The following PRTG variants were observed in gnomAD, a reference collection of about 807,000 sequenced individuals.
PRTG encodes the protein immunoglobulin superfamily, DCC subclass, member 5.
Under a neutral mutation model 122.5 loss-of-function variants are expected in PRTG, and 67 were observed. The ratio of observed to expected loss-of-function variants is 0.55; its 90% CI spans 0.45 to 0.67. The LOEUF (loss-of-function observed/expected upper bound fraction) is 0.67. Ranked by LOEUF, PRTG falls within the 30% of genes least tolerant of loss-of-function variation. PRTG has a pLI of 0.00. For synonymous variants in PRTG, 554 were observed against 501.1 expected (o/e 1.11, Z -1.41); for missense variants, 1,435 against 1,415.4 (o/e 1.01, Z -0.22).
chr15:55,682,746 A>G (rs147224747), intron 3 of PRTG, among the ~76,000 whole-genome samples: 1 of 152,042 alleles, frequency 6.6e-6, no homozygotes, highest in African/African-American at 2.4e-5. Context: ...TATTTTTAGT[A>G]GAGATGGGGT....
In PRTG at chr15:55,617,355, A is replaced by C. The variant is rs1413267919; in HGVS notation, c.*2657T>G. ...TCTTTGGAACGATCTGCTGGTAAAG[A>C]AAGTATTACAACTTATTTTAAATGC... On this transcript the variant is annotated 3_prime_UTR_variant, in exon 20 of 20. Transcript: ENST00000389286. 1 of 152,158 alleles carries C rather than the reference A, an allele frequency of 6.6e-6. No homozygotes were observed. Among genetic ancestry groups the C allele is most frequent in the Non-Finnish European group, 1.5e-5 (1 of 67,988 alleles). The allele number at this position is 152,158 out of a possible 1,614,324, so 9.4% of individuals were successfully genotyped here. A position where few individuals can be genotyped will look rare whatever the true frequency, so the allele number is the denominator to read the frequency against.
At position 55,619,548 on chromosome 15, in the gene PRTG, A is replaced by G. The variant is rs1350995737; in HGVS notation, c.*464T>C. On this transcript the variant is annotated 3_prime_UTR_variant, in exon 20 of 20. Coordinates refer to ENST00000389286, the MANE Select transcript of PRTG (RefSeq NM_173814.6). Reference sequence around the variant, plus strand: ...TGTAGCTGAGATAAACTATAACAACAAATGAGGTAACAAAGTTGTCTTCAG... The same window carrying G: ...TGTAGCTGAGATAAACTATAACAACGAATGAGGTAACAAAGTTGTCTTCAG... 1 of 171,228 alleles carries G rather than the reference A, an allele frequency of 5.8e-6. No individual in the cohort carries two copies. The highest frequency in any genetic ancestry group is 1.3e-5 in the Non-Finnish European group (1 of 79,400). The allele number at this position is 171,228 out of a possible 1,614,324, so 10.6% of individuals were successfully genotyped here. A position where few individuals can be genotyped will look rare whatever the true frequency, so the allele number is the denominator to read the frequency against.
At chr15:55,646,511 A>G (rs1422362676) in intron 11 of PRTG, among the ~76,000 whole-genome samples, 5 of 150,992 alleles carry the variant, frequency 3.3e-5, no homozygotes, top group Admixed American at 3.3e-4. Context: ...TTTAGTAGAG[A>G]CGGGGTTTCA....
chr15:55,641,155 C>G lies in PRTG; in HGVS notation c.2095G>C (p.Gly699Arg). The G allele has an allele frequency of 6.2e-7, 1 of 1,614,012 alleles. No individual in the cohort carries two copies. Among genetic ancestry groups the G allele is most frequent in the Non-Finnish European group, 8.5e-7 (1 of 1,179,938 alleles). The change falls in exon 12 of 20, where the codon GGC becomes CGC. Residue 699 changes from glycine to arginine, a missense_variant. By Grantham distance (125) the Gly-to-Arg change is moderately radical. Transcript: ENST00000389286. ...CTGACAGTCTGATCTGCCTGATAGCCATCGTCTATGTTGTTGTAAGCCAGG... is the reference window on the plus strand; with the variant it reads ...CTGACAGTCTGATCTGCCTGATAGCGATCGTCTATGTTGTTGTAAGCCAGG... ...RLLAYNNIDD[G>R]YQADQTVSTP...
Position 55,627,786 on chromosome 15 carries a change from G to A in PRTG, c.2807-658C>T, listed in dbSNP as rs929600344. Among the ~76,000 whole-genome samples, 3 of 152,266 alleles carry A rather than the reference G, an allele frequency of 2.0e-5. No individual in the cohort carries two copies. In the South Asian group the frequency reaches 6.2e-4, roughly 32 times the overall value. ...TATGTCATGCCTTAAAAGCAGATCT[G>A]CATGTTGAAGATTAGTTTTCCATTT... On this transcript the variant is annotated intron_variant, in intron 16 of 19. Coordinates refer to ENST00000389286, the MANE Select transcript of PRTG (RefSeq NM_173814.6).
intron 11 of PRTG, among the ~76,000 whole-genome samples, chr15:55,661,618 A>G (rs2059410004): frequency 6.6e-6 from 1 of 152,196 alleles, no homozygotes; most frequent in Non-Finnish European, 1.5e-5. Context: ...AAATGCATGC[A>G]TATGAATCAC....
At chr15:55,683,403 G>A (rs2059552279) in intron 3 of PRTG, among the ~76,000 whole-genome samples, 1 of 152,094 alleles carries the variant, frequency 6.6e-6, no homozygotes. Flanking sequence ...GTTGAGAAGT[G>A]GAAGGCAGAG....
chr15:55,654,676 C>T (rs995193037), intron 11 of PRTG, among the ~76,000 whole-genome samples: 3 of 152,206 alleles, frequency 2.0e-5, no homozygotes, highest in South Asian at 2.1e-4. Flanking sequence ...CTCACATACA[C>T]GGTCTGTCTC....
intron 5 of PRTG, 30 bp downstream of exon 5, chr15:55,680,461 A>AT: frequency 6.7e-7 from 1 of 1,487,904 alleles, no homozygotes; most frequent in South Asian, 1.3e-5. Context: ...TAAGGAAAAG[A>AT]CTTTTTTTTT....
intron 11 of PRTG, among the ~76,000 whole-genome samples, chr15:55,662,089 T>A (rs2059413347): frequency 6.6e-6 from 1 of 152,232 alleles, no homozygotes; most frequent in Admixed American, 6.5e-5. Flanking sequence ...TGTTTGAAAT[T>A]TTTTGGAAAG....
intron 2 of PRTG, among the ~76,000 whole-genome samples, chr15:55,736,985 T>C (rs1046718163): frequency 1.3e-5 from 2 of 152,232 alleles, no homozygotes; most frequent in Non-Finnish European, 2.9e-5. Flanking sequence ...GAGACCATTT[T>C]ACCACACTAA....
intron 11 of PRTG, among the ~76,000 whole-genome samples, chr15:55,652,197 G>GA (rs1382128380): frequency 6.6e-6 from 1 of 152,012 alleles, no homozygotes; most frequent in Non-Finnish European, 1.5e-5. Flanking sequence ...AAAAATCGTC[G>GA]AATTAGAATA....
Position 55,733,326 on chromosome 15 carries a change from C to T in PRTG, c.397+7056G>A, listed in dbSNP as rs532014230. Among the ~76,000 whole-genome samples, 6 of 151,730 alleles carry T rather than the reference C, an allele frequency of 4.0e-5. No individual in the cohort carries two copies. In the South Asian group the frequency reaches 1.0e-3, roughly 26 times the overall value. On this transcript the variant is annotated intron_variant, in intron 2 of 19. Transcript: ENST00000389286. The stretch of plus-strand genomic sequence containing the variant: ...GGGAGTTCGAGACCAGCCTGACCAA[C>T]GTGGAGAAACCCTGTCTCTACTAAA...
intron 11 of PRTG, among the ~76,000 whole-genome samples, chr15:55,651,102 G>A (rs2059350895): frequency 1.3e-5 from 2 of 152,170 alleles, no homozygotes; most frequent in Admixed American, 6.5e-5. Flanking sequence ...TAAAACAGGG[G>A]CCCTATATCA....
At chr15:55,620,300 C>T (rs2059159260) in intron 19 of PRTG, 34 bp from the exon 20 acceptor site, 1 of 1,603,330 alleles carries the variant, frequency 6.2e-7, no homozygotes, top group South Asian at 1.1e-5. Context: ...CAATGAGATA[C>T]CAGACTGATC....
At chr15:55,695,198 T>C (rs1377162911) in intron 2 of PRTG, among the ~76,000 whole-genome samples, 1 of 152,216 alleles carries the variant, frequency 6.6e-6, no homozygotes, top group Non-Finnish European at 1.5e-5. Flanking sequence ...GCAACACTTA[T>C]ATGACTCTAC....
chr15:55,651,032 G>C (rs192206063), intron 11 of PRTG, among the ~76,000 whole-genome samples: 61 of 152,274 alleles, frequency 4.0e-4, no homozygotes, highest in African/African-American at 1.4e-3. Flanking sequence ...AAATGGAAGA[G>C]GACATGCTTG....
chr15:55,630,021 C>G (rs2059218658), intron 15 of PRTG, among the ~76,000 whole-genome samples: 1 of 148,082 alleles, frequency 6.8e-6, no homozygotes, highest in South Asian at 2.2e-4. Flanking sequence ...GAGTCTCACT[C>G]TGTCGCCCAG....
intron 2 of PRTG, among the ~76,000 whole-genome samples, chr15:55,706,265 T>A (rs558765959): frequency 6.6e-6 from 1 of 151,752 alleles, no homozygotes; most frequent in South Asian, 2.1e-4. Context: ...CTACTGGCCA[T>A]CAAAACAAAA....
Sources: gnomAD v4.1 joint callset for allele counts (sites outside exome capture counted in the v4.1 genomes callset) on GRCh38, gnomAD v4.1.1 for gene constraint, MANE v1.5 for transcripts, NCBI Gene and HGNC (gene_info 2026-07-23, HGNC 2026-07-21) for gene names.